Variants in TMEM108 observed in about 807,000 individuals in gnomAD.
TMEM108 encodes transmembrane protein 108, also known as cancer/testis antigen 124.
TMEM108 carries 12 observed loss-of-function variants against 35.1 expected under a neutral mutation model. That is an observed-to-expected ratio of 0.34 (90% confidence interval 0.22 to 0.55). The LOEUF (loss-of-function observed/expected upper bound fraction) is 0.55, where lower values mean the gene tolerates loss of function less well. Ranked by LOEUF, TMEM108 falls within the 20% of genes least tolerant of loss-of-function variation. TMEM108 has a pLI of 0.89. For missense variants in TMEM108, 680 were observed against 753.3 expected (o/e 0.90, Z 1.14); for synonymous variants, 287 against 308.6 (o/e 0.93, Z 0.73).
At chr3:133,166,017 G>A (rs890775953) in intron 2 of TMEM108, among the ~76,000 whole-genome samples, 1 of 152,242 alleles carries the variant, frequency 6.6e-6, no homozygotes, top group African/African-American at 2.4e-5. Flanking sequence ...GAAAGTTACT[G>A]AAATCAGTCT....
chr3:133,059,206 A>G (rs1157750462), intron 2 of TMEM108, among the ~76,000 whole-genome samples: 1 of 152,162 alleles, frequency 6.6e-6, no homozygotes, highest in Non-Finnish European at 1.5e-5. Flanking sequence ...ATGCTTCACA[A>G]TGGGGGTTAG....
At chr3:133,161,431 C>A (rs966034269) in intron 2 of TMEM108, among the ~76,000 whole-genome samples, 14 of 152,128 alleles carry the variant, frequency 9.2e-5, no homozygotes, top group African/African-American at 3.4e-4. Flanking sequence ...GAGGCGGGGA[C>A]CTTTCATGTC....
intron 3 of TMEM108, among the ~76,000 whole-genome samples, chr3:133,336,521 G>A (rs759330489): frequency 6.6e-6 from 1 of 152,004 alleles, no homozygotes; most frequent in Non-Finnish European, 1.5e-5. Context: ...GAGTCCTTGG[G>A]CTCTAAATAA....
chr3:133,295,102 T>C (rs1014717674), intron 3 of TMEM108, among the ~76,000 whole-genome samples: 1 of 152,214 alleles, frequency 6.6e-6, no homozygotes, highest in Non-Finnish European at 1.5e-5. Context: ...AAATTTGAGA[T>C]GCTGCAGTCA....
At chr3:133,181,017 A>AAAAAAAAAAC (rs1945331750) in intron 2 of TMEM108, among the ~76,000 whole-genome samples, 2 of 78,490 alleles carry the variant, frequency 2.5e-5, no homozygotes, top group African/African-American at 3.6e-5. Flanking sequence ...TTAAAAAAAA[A>AAAAAAAAAAC]AAAAAAAAAA....
intron 3 of TMEM108, among the ~76,000 whole-genome samples, chr3:133,258,640 C>T (rs1946581366): frequency 6.6e-6 from 1 of 152,220 alleles, no homozygotes; most frequent in African/African-American, 2.4e-5. Context: ...TGTTTGGCAT[C>T]ACCACTGCCT....
chr3:133,136,714 C>A (rs755388146), intron 2 of TMEM108, among the ~76,000 whole-genome samples: 1 of 152,204 alleles, frequency 6.6e-6, no homozygotes, highest in African/African-American at 2.4e-5. Context: ...AGGATCCCGT[C>A]ACATCCAGGC....
intron 2 of TMEM108, among the ~76,000 whole-genome samples, chr3:133,154,868 T>A (rs539492164): frequency 6.9e-6 from 1 of 143,984 alleles, no homozygotes; most frequent in Non-Finnish European, 1.5e-5. Flanking sequence ...TAATAATAAT[T>A]AAAAAAAATT....
At chr3:133,365,458 A>G (rs1174187922) in intron 3 of TMEM108, among the ~76,000 whole-genome samples, 3 of 152,190 alleles carry the variant, frequency 2.0e-5, no homozygotes, top group African/African-American at 7.2e-5. Context: ...GGTGGTATTT[A>G]TATTTATGCG....
intron 2 of TMEM108, among the ~76,000 whole-genome samples, chr3:133,154,133 GTTGT>G (rs1430504892): frequency 1.3e-5 from 2 of 152,000 alleles, no homozygotes; most frequent in Admixed American, 6.6e-5. Context: ...TTTTGATGGG[GTTGT>G]TTGTTTTTTT....
chr3:133,097,801 T>G (rs1944034302), intron 2 of TMEM108, among the ~76,000 whole-genome samples: 1 of 152,184 alleles, frequency 6.6e-6, no homozygotes, highest in Admixed American at 6.5e-5. Flanking sequence ...TTATAACCCA[T>G]TACTGTCTAT....
intron 3 of TMEM108, among the ~76,000 whole-genome samples, chr3:133,314,596 G>A (rs2071173910): frequency 6.6e-6 from 1 of 152,172 alleles, no homozygotes; most frequent in Admixed American, 6.5e-5. Flanking sequence ...ATACATTACA[G>A]CCAAGGTCAC....
At chr3:133,057,420 GT>G (rs1943478316) in intron 2 of TMEM108, among the ~76,000 whole-genome samples, 1 of 45,630 alleles carries the variant, frequency 2.2e-5, no homozygotes, top group Non-Finnish European at 4.5e-5. Context: ...TGGGCTATTA[GT>G]TGTGTGTGTG....
intron 2 of TMEM108, among the ~76,000 whole-genome samples, chr3:133,202,856 T>C (rs1447479795): frequency 1.3e-5 from 2 of 152,126 alleles, no homozygotes; most frequent in South Asian, 2.1e-4. Flanking sequence ...GATGGGGATA[T>C]CATTGAATCT....
rs1202513537 is a variant in TMEM108, at chr3:133,396,267, C to T, written c.*281C>T. 6.3e-6 allele frequency: 1 copy of T among 157,710 alleles called. No homozygotes were observed. Among genetic ancestry groups the T allele is most frequent in the Non-Finnish European group, 1.4e-5 (1 of 72,668 alleles). The allele number at this position is 157,710 out of a possible 1,614,324, so 9.8% of individuals were successfully genotyped here. A position where few individuals can be genotyped will look rare whatever the true frequency, so the allele number is the denominator to read the frequency against. ...AACTATTCTTGAGCACCTGGGGATC[C>T]CAGGAACCCTGGTCAGGTGAGGTAA... On this transcript the variant is annotated 3_prime_UTR_variant, in exon 6 of 6. Coordinates refer to ENST00000321871, the MANE Select transcript of TMEM108 (RefSeq NM_023943.4).
intron 5 of TMEM108, among the ~76,000 whole-genome samples, chr3:133,392,634 C>G (rs911268699): frequency 1.3e-5 from 2 of 152,160 alleles, no homozygotes; most frequent in Admixed American, 1.3e-4. Flanking sequence ...AAGATTGAAC[C>G]CTTGATTTCG....
intron 3 of TMEM108, among the ~76,000 whole-genome samples, chr3:133,296,351 C>G (rs1452886199): frequency 6.6e-6 from 1 of 152,148 alleles, no homozygotes; most frequent in East Asian, 1.9e-4. Flanking sequence ...ATAACATTTG[C>G]ATTCTTAAAA....
intron 2 of TMEM108, among the ~76,000 whole-genome samples, chr3:133,113,348 AG>A (rs1944248969): frequency 6.6e-6 from 1 of 152,192 alleles, no homozygotes. Flanking sequence ...CTAATATATC[AG>A]TTGTGTTGAA....
intron 3 of TMEM108, among the ~76,000 whole-genome samples, chr3:133,232,120 C>T (rs1249679761): frequency 1.3e-5 from 2 of 152,068 alleles, no homozygotes. Context: ...TTGCATCTTG[C>T]GAGTGATGTT....
Sources: allele counts gnomAD v4.1 joint callset (sites outside exome capture counted in the v4.1 genomes callset), GRCh38; gene constraint gnomAD v4.1.1; transcripts MANE v1.5; gene names NCBI Gene and HGNC (gene_info 2026-07-23, HGNC 2026-07-21).